PTPRZ1: variants seen among roughly 807,000 people sequenced by gnomAD.
PTPRZ1 encodes the protein receptor-type tyrosine-protein phosphatase zeta.
In PTPRZ1, 82 loss-of-function variants were observed where a neutral mutation model predicts 214.1. The observed-to-expected ratio is 0.38, with a 90% CI of 0.32 to 0.46. PTPRZ1 has a LOEUF of 0.46. PTPRZ1 is among the 20% of genes least tolerant of loss of function. The pLI is 1.00. For synonymous variants in PTPRZ1, 945 were observed against 987.9 expected, an observed-to-expected ratio of 0.96 and a Z score of 0.81; for missense variants, 2,603 against 2,748.7, an observed-to-expected ratio of 0.95 and a Z score of 1.19.
chr7:121,901,637 A>G (rs1039127626), intron 1 of PTPRZ1, among the ~76,000 whole-genome samples: 5 of 152,172 alleles, frequency 3.3e-5, no homozygotes, highest in African/African-American at 1.2e-4. Context: ...TTACTGAAAT[A>G]ATTTTTCTAG....
intron 8 of PTPRZ1, among the ~76,000 whole-genome samples, chr7:121,990,987 A>G (rs997040717): frequency 6.6e-6 from 1 of 152,206 alleles, no homozygotes; most frequent in East Asian, 1.9e-4. Flanking sequence ...TTTTTCTGCT[A>G]AGAAGCGGGG....
intron 1 of PTPRZ1, among the ~76,000 whole-genome samples, chr7:121,874,929 C>T (rs1401779056): frequency 6.6e-6 from 1 of 151,716 alleles, no homozygotes; most frequent in Non-Finnish European, 1.5e-5. Flanking sequence ...AAGGCAGGTC[C>T]TCTTAGTAAT....
In PTPRZ1 at chr7:122,011,797, G is replaced by A. The variant is rs753821994; in HGVS notation, c.2751G>A (p.Met917Ile). Residue 917 changes from methionine (M) to isoleucine (I), a missense_variant, in exon 12 of 30, where the codon ATG (methionine) becomes ATA (isoleucine). Around this residue, in one of 6 missense-constraint regions of PTPRZ1, gnomAD observed 1,913 missense variants for 1,914.3 expected, o/e 1.00. Coordinates refer to ENST00000393386, the MANE Select transcript of PTPRZ1 (RefSeq NM_002851.3). ...AACCACCCAGCAGTGATGCCATGAT[G>A]CATGCACGTTCTTCAGGGCCTGAAC... Reference protein sequence around the residue: ...QVEPPSSDAMMHARSSGPEPS... With the variant: ...QVEPPSSDAMIHARSSGPEPS... The A allele has an allele frequency of 1.2e-6, 2 of 1,614,106 alleles. No individual in the cohort carries two copies. Among genetic ancestry groups the A allele is most frequent in the Non-Finnish European group, 1.7e-6 (2 of 1,179,964 alleles).
chr7:121,966,815 A>T (rs1171584035), intron 2 of PTPRZ1: 1 of 152,214 alleles, frequency 6.6e-6, no homozygotes, highest in Non-Finnish European at 1.5e-5. Context: ...CACTTATCAC[A>T]AAAGAAGACA....
intron 1 of PTPRZ1, among the ~76,000 whole-genome samples, chr7:121,879,551 C>T (rs904971267): frequency 1.3e-5 from 2 of 152,080 alleles, no homozygotes; most frequent in African/African-American, 2.4e-5. Context: ...TGTGGATGTA[C>T]GTGCTTTTGG....
chr7:121,971,242 A>G (rs895116630), intron 3 of PTPRZ1, among the ~76,000 whole-genome samples: 2 of 152,116 alleles, frequency 1.3e-5, no homozygotes, highest in African/African-American at 4.8e-5. Flanking sequence ...CTTTATAGAA[A>G]TCCCTGTTTT....
At chr7:121,880,056 G>C (rs533198890) in intron 1 of PTPRZ1, among the ~76,000 whole-genome samples, 24 of 152,228 alleles carry the variant, frequency 1.6e-4, no homozygotes, top group African/African-American at 4.3e-4. Flanking sequence ...ATATCATTTG[G>C]GGGTCTTTGT....
At chr7:121,874,889 C>T (rs1794004976) in intron 1 of PTPRZ1, among the ~76,000 whole-genome samples, 1 of 152,136 alleles carries the variant, frequency 6.6e-6, no homozygotes, top group African/African-American at 2.4e-5. Context: ...GTTGAATTCA[C>T]ATTTCTATTG....
chr7:121,938,422 A>T (rs988244845), intron 2 of PTPRZ1, among the ~76,000 whole-genome samples: 2 of 152,212 alleles, frequency 1.3e-5, no homozygotes, highest in Admixed American at 6.5e-5. Flanking sequence ...TGGAGTGACT[A>T]TTTGTGTTAC....
intron 17 of PTPRZ1, among the ~76,000 whole-genome samples, chr7:122,035,634 C>T (rs1047644314): frequency 1.3e-5 from 2 of 152,204 alleles, no homozygotes; most frequent in East Asian, 1.9e-4. Flanking sequence ...AAATAGGTCA[C>T]CCTGACATTG....
At chr7:121,989,342 T>C (rs1797869986) in intron 8 of PTPRZ1, among the ~76,000 whole-genome samples, 1 of 151,448 alleles carries the variant, frequency 6.6e-6, no homozygotes, top group Admixed American at 6.6e-5. Context: ...TTATCATTTG[T>C]CCTGTGCATA....
chr7:122,016,487 T>C (rs1256788196), intron 12 of PTPRZ1, among the ~76,000 whole-genome samples: 1 of 151,976 alleles, frequency 6.6e-6, no homozygotes, highest in Admixed American at 6.6e-5. Context: ...TCATAAGATA[T>C]CCTATTTTGT....
chr7:122,045,050 C>T (rs1353118103), intron 23 of PTPRZ1, among the ~76,000 whole-genome samples: 1 of 152,112 alleles, frequency 6.6e-6, no homozygotes, highest in Non-Finnish European at 1.5e-5. Flanking sequence ...TCCCCCTCAC[C>T]CTGTCTCAAG....
intron 2 of PTPRZ1, among the ~76,000 whole-genome samples, chr7:121,963,782 G>A (rs1004034752): frequency 6.6e-6 from 1 of 151,918 alleles, no homozygotes; most frequent in Non-Finnish European, 1.5e-5. Context: ...GATCACCATG[G>A]TTGCCCCATC....
chr7:121,980,722 CTT>C (rs1466977266), intron 6 of PTPRZ1, among the ~76,000 whole-genome samples: 2 of 152,206 alleles, frequency 1.3e-5, no homozygotes, highest in Non-Finnish European at 2.9e-5. Context: ...ACTAATTTAA[CTT>C]TTAAATAACT....
chr7:121,951,970 T>A (rs902423792), intron 2 of PTPRZ1, among the ~76,000 whole-genome samples: 82 of 151,820 alleles, frequency 5.4e-4, no homozygotes, highest in African/African-American at 1.9e-3. Flanking sequence ...TTTATTTTTT[T>A]TTTTTTGAGA....
chr7:122,041,652 T>G (rs1799736764), intron 21 of PTPRZ1, among the ~76,000 whole-genome samples: 1 of 152,202 alleles, frequency 6.6e-6, no homozygotes, highest in Non-Finnish European at 1.5e-5. Context: ...GCAGTTAATA[T>G]TTATTGAGTG....
intron 2 of PTPRZ1, among the ~76,000 whole-genome samples, chr7:121,934,184 G>A (rs550277858): frequency 2.6e-5 from 4 of 152,212 alleles, no homozygotes; most frequent in African/African-American, 9.6e-5. Flanking sequence ...TGACAAATAT[G>A]TTGACACAAA....
At position 121,934,357 on chromosome 7, in the gene PTPRZ1, G is replaced by A. The variant is rs568024699; in HGVS notation, c.124+6136G>A. On this transcript the variant is annotated intron_variant, in intron 2 of 29. Transcript: ENST00000393386. ...CTAACAAGAGCATGGACAGTGCTCA[G>A]TGCAGGTTTTCTGATCATCATTAAC... Among the ~76,000 whole-genome samples the A allele has an allele frequency of 1.6e-4, 25 of 151,958 alleles. 1 individual carries two copies. The South Asian group carries it at 5.2e-3, about 32-fold the overall frequency.
Sources: allele counts gnomAD v4.1 joint callset (sites outside exome capture counted in the v4.1 genomes callset), GRCh38; gene constraint gnomAD v4.1.1; regional missense constraint gnomAD v4.1.1; transcripts MANE v1.5; gene names NCBI Gene and HGNC (gene_info 2026-07-23, HGNC 2026-07-21).